PAIP2: variants seen among roughly 807,000 people sequenced by gnomAD.
PAIP2 encodes poly(A) binding protein interacting protein 2.
Under a neutral mutation model 14.8 loss-of-function variants are expected in PAIP2, and 7 were observed. That is an observed-to-expected ratio of 0.47 (90% confidence interval 0.27 to 0.89). The LOEUF is 0.89. Among genes scored for constraint, PAIP2 ranks in the 40% least tolerant of loss-of-function variants. The probability of loss-of-function intolerance (pLI) is 0.13; values close to 1 mark genes in which losing one functional copy is unlikely to be tolerated. For synonymous variants in PAIP2, 47 were observed against 45.3 expected (o/e 1.04, Z -0.15); for missense variants, 122 against 154.7 (o/e 0.79, Z 1.12).
chr5:139,347,567 C>A (rs1746045174), intron 1 of PAIP2, among the ~76,000 whole-genome samples: 1 of 152,098 alleles, frequency 6.6e-6, no homozygotes, highest in Non-Finnish European at 1.5e-5. Context: ...AGCCACCACG[C>A]CAGGCCATAC....
At chr5:139,360,048 C>A (rs1263254454) in intron 1 of PAIP2, among the ~76,000 whole-genome samples, 1 of 152,036 alleles carries the variant, frequency 6.6e-6, no homozygotes, top group Non-Finnish European at 1.5e-5. Context: ...CTCACTGCAA[C>A]CTCCACCTCT....
chr5:139,348,177 AATTT>A (rs201364549), intron 1 of PAIP2, among the ~76,000 whole-genome samples: 3 of 149,958 alleles, frequency 2.0e-5, no homozygotes, highest in East Asian at 2.0e-4. Context: ...ACGAGTGATG[AATTT>A]ATTTATTTAT....
chr5:139,362,427 T>G (rs1239181436), intron 1 of PAIP2, among the ~76,000 whole-genome samples: 1 of 147,232 alleles, frequency 6.8e-6, no homozygotes, highest in Non-Finnish European at 1.5e-5. Flanking sequence ...TTTTTTTTTT[T>G]GAGATGGAGT....
intron 1 of PAIP2, among the ~76,000 whole-genome samples, chr5:139,358,674 C>T (rs951499422): frequency 1.3e-5 from 2 of 152,040 alleles, no homozygotes; most frequent in Non-Finnish European, 2.9e-5. Context: ...TATTGTTTGG[C>T]AATAAAAAGG....
intron 1 of PAIP2, among the ~76,000 whole-genome samples, chr5:139,351,679 C>G (rs1227154061): frequency 6.6e-6 from 1 of 151,800 alleles, no homozygotes. Flanking sequence ...TTTTTACATT[C>G]ATCCCTGTCA....
At chr5:139,359,425 C>T (rs1460639398) in intron 1 of PAIP2, among the ~76,000 whole-genome samples, 3 of 152,000 alleles carry the variant, frequency 2.0e-5, no homozygotes, top group African/African-American at 7.3e-5. Context: ...AGGCATGAGC[C>T]ACAGTGCCCG....
intron 1 of PAIP2, among the ~76,000 whole-genome samples, chr5:139,359,165 T>G (rs1278982637): frequency 6.6e-6 from 1 of 151,974 alleles, no homozygotes; most frequent in Non-Finnish European, 1.5e-5. Context: ...GACAGAGTCT[T>G]ACTCTGTCTC....
chr5:139,367,761 G>A (rs1394778691), intron 3 of PAIP2: 1 of 152,130 alleles, frequency 6.6e-6, no homozygotes, highest in African/African-American at 2.4e-5. Flanking sequence ...TGGTTCCTTG[G>A]TATTTAGTGT....
intron 1 of PAIP2, among the ~76,000 whole-genome samples, chr5:139,352,537 G>C (rs1168884015): frequency 1.0e-5 from 1 of 97,754 alleles, no homozygotes; most frequent in East Asian, 2.5e-4. Context: ...CGTCCTTGTT[G>C]CCCAGGCTGG....
intron 2 of PAIP2, 49 bp downstream of exon 2, chr5:139,363,971 T>C (rs1414649911): frequency 1.4e-5 from 22 of 1,524,036 alleles, no homozygotes; most frequent in Non-Finnish European, 1.9e-5. Flanking sequence ...TGGCCCTCAA[T>C]ATGATTGTAC....
chr5:139,347,346 T>TA (rs1756583662), intron 1 of PAIP2, among the ~76,000 whole-genome samples: 1 of 145,870 alleles, frequency 6.9e-6, no homozygotes, highest in Non-Finnish European at 1.5e-5. Flanking sequence ...CGATCTTGGC[T>TA]CACTGCTACC....
chr5:139,352,257 T>A (rs944865582), intron 1 of PAIP2, among the ~76,000 whole-genome samples: 1 of 139,464 alleles, frequency 7.2e-6, no homozygotes, highest in Non-Finnish European at 1.6e-5. Context: ...GAAATCTGAT[T>A]TACAAGTATT....
At chr5:139,364,142 T>G in intron 2 of PAIP2, 1 of 529,968 alleles carries the variant, frequency 1.9e-6, no homozygotes, top group Non-Finnish European at 3.3e-6. Flanking sequence ...GATGTCTGAA[T>G]CAGGAGGATG....
intron 3 of PAIP2, among the ~76,000 whole-genome samples, chr5:139,365,676 A>AG (rs1464797623): frequency 2.6e-5 from 4 of 151,468 alleles, no homozygotes; most frequent in Non-Finnish European, 5.9e-5. Flanking sequence ...AAAAAAAAAA[A>AG]GGAAAAAGGA....
intron 1 of PAIP2, among the ~76,000 whole-genome samples, chr5:139,355,859 AAAAT>A (rs1756893643): frequency 6.6e-6 from 1 of 151,114 alleles, no homozygotes. Flanking sequence ...TCAGTCTCAA[AAAAT>A]AAATAGGCTG....
intron 1 of PAIP2, among the ~76,000 whole-genome samples, chr5:139,351,917 A>G (rs951902475): frequency 6.6e-6 from 1 of 152,154 alleles, no homozygotes; most frequent in Non-Finnish European, 1.5e-5. Flanking sequence ...GCATCGGCCT[A>G]CACTTCAATG....
chr5:139,359,160 AGTC>A (rs1275571697), intron 1 of PAIP2, among the ~76,000 whole-genome samples: 4 of 151,694 alleles, frequency 2.6e-5, no homozygotes, highest in African/African-American at 9.7e-5. Context: ...TTTGAGACAG[AGTC>A]TTACTCTGTC....
At chr5:139,356,144 G>A (rs1383150960) in intron 1 of PAIP2, among the ~76,000 whole-genome samples, 1 of 143,794 alleles carries the variant, frequency 7.0e-6, no homozygotes, top group Non-Finnish European at 1.5e-5. Flanking sequence ...TCTCAAAAAC[G>A]ATACGTTAAA....
chr5:139,350,958 A>G (rs566513827), intron 1 of PAIP2, among the ~76,000 whole-genome samples: 1 of 152,290 alleles, frequency 6.6e-6, no homozygotes, highest in African/African-American at 2.4e-5. Flanking sequence ...CACATATTCA[A>G]ATGTTCACAT....
Sources: allele counts gnomAD v4.1 joint callset (sites outside exome capture counted in the v4.1 genomes callset), GRCh38; gene constraint gnomAD v4.1.1; transcripts MANE v1.5; gene names NCBI Gene and HGNC (gene_info 2026-07-23, HGNC 2026-07-21).